The following OTOF variants were observed in gnomAD, a reference collection of about 807,000 sequenced individuals.
The protein encoded by OTOF is otoferlin.
A neutral mutation model predicts 236.8 loss-of-function variants in OTOF; 218 were observed. The observed-to-expected ratio is 0.92, with a 90% CI of 0.82 to 1.03. The LOEUF (loss-of-function observed/expected upper bound fraction) is 1.03. OTOF is among the 50% of genes least tolerant of loss of function. The probability of loss-of-function intolerance (pLI) is 0.00; values close to 1 mark genes in which losing one functional copy is unlikely to be tolerated. For missense variants in OTOF, 2,590 were observed against 2,694.4 expected (o/e 0.96, Z 0.86); for synonymous variants, 1,041 against 1,072.5 (o/e 0.97, Z 0.57).
At chr2:26,547,931 A>G (rs1157731927) in intron 1 of OTOF, among the ~76,000 whole-genome samples, 1 of 152,232 alleles carries the variant, frequency 6.6e-6, no homozygotes, top group African/African-American at 2.4e-5. Context: ...TATTGTCATC[A>G]TCATCATTGT....
intron 8 of OTOF, among the ~76,000 whole-genome samples, chr2:26,498,696 T>C (rs185401355): frequency 4.8e-4 from 73 of 152,292 alleles, no homozygotes; most frequent in African/African-American, 1.8e-3. Flanking sequence ...TGCTGAGTGG[T>C]AAATCTATAC....
At chr2:26,500,097 A>G (rs1040362270) in intron 8 of OTOF, among the ~76,000 whole-genome samples, 1 of 152,226 alleles carries the variant, frequency 6.6e-6, no homozygotes, top group Admixed American at 6.5e-5. Flanking sequence ...GCAGCTGTCT[A>G]GAAGGCTTGA....
chr2:26,530,844 C>T (rs953341156), intron 2 of OTOF, among the ~76,000 whole-genome samples: 3 of 152,202 alleles, frequency 2.0e-5, no homozygotes, highest in South Asian at 2.1e-4. Context: ...CCGATCAAGC[C>T]GGCACCTCTA....
chr2:26,477,398 G>A lies in OTOF; in HGVS notation c.2406+18C>T, dbSNP rs778111026. 7.0e-6 allele frequency: 11 copies of A among 1,572,662 alleles called. No individual in the cohort carries two copies. Among genetic ancestry groups the A allele is most frequent in the South Asian group, 2.3e-5 (2 of 85,890 alleles). On this transcript the variant is annotated intron_variant, in intron 20 of 46. Coordinates refer to ENST00000272371, the MANE Select transcript of OTOF (RefSeq NM_194248.3). This position sits in a 1 kb window ranked among gnomAD's most constrained non-coding sequence, Gnocchi z 4.7. ...CCAGGCCCTCCCTCCAGCCCCCGCC[G>A]TCCAGTTGCGTCCTCACCAGCTCCC...
intron 3 of OTOF, among the ~76,000 whole-genome samples, chr2:26,521,676 C>T (rs1297796342): frequency 6.6e-6 from 1 of 152,242 alleles, no homozygotes; most frequent in Non-Finnish European, 1.5e-5. Context: ...AAATCCCCTA[C>T]TCTTCCTACC....
chr2:26,505,330 A>G (rs946221622), intron 5 of OTOF, among the ~76,000 whole-genome samples: 2 of 152,164 alleles, frequency 1.3e-5, no homozygotes, highest in Non-Finnish European at 2.9e-5. Flanking sequence ...GAAGAAAGGG[A>G]AAGAAAGAGG....
chr2:26,494,655 GT>G (rs1181719433), intron 9 of OTOF, among the ~76,000 whole-genome samples: 7 of 99,656 alleles, frequency 7.0e-5, no homozygotes, highest in African/African-American at 3.3e-4. Flanking sequence ...GGGGAGTGGG[GT>G]GGGGGGGGGT....
chr2:26,463,562 C>T lies in OTOF; in HGVS notation c.5113G>A (p.Glu1705Lys). The change falls in exon 41 of 47, where the codon GAG (glutamate) becomes AAG (lysine). Residue 1705 changes from glutamate (E) to lysine (K), a missense_variant. By Grantham distance (56) the Glu-to-Lys change is moderately conservative (BLOSUM62 1). Around this residue, in one of 2 missense-constraint regions of OTOF, gnomAD observed 1,211 missense variants for 1,352.8 expected, o/e 0.90. Transcript: ENST00000272371. Reference protein sequence around the residue: ...DKPGIEQGRLELWVDMFPMDM... With the variant: ...DKPGIEQGRLKLWVDMFPMDM... ...ATGGGGAACATGTCCACCCACAGCT[C>T]CAGGCGGCCCTGAGGAAGAGGGTTG... The T allele has an allele frequency of 6.2e-7, 1 of 1,603,366 alleles. No individual in the cohort carries two copies. Among genetic ancestry groups the T allele is most frequent in the Non-Finnish European group, 8.5e-7 (1 of 1,175,160 alleles).
At position 26,461,886 on chromosome 2, in the gene OTOF, G is replaced by A. The variant is rs375826721; in HGVS notation, c.5343C>T (p.His1781=). The change falls in exon 43 of 47, where the codon CAC becomes CAT. Residue 1781 remains histidine, a synonymous_variant. Coordinates refer to ENST00000272371, the MANE Select transcript of OTOF (RefSeq NM_194248.3). This position sits in a 1 kb window ranked among gnomAD's most constrained non-coding sequence, Gnocchi z 6.2. ...EDKQDTDVHY[H]SLTGEGNFNW... The stretch of plus-strand genomic sequence containing the variant: ...TGAAGTTGCCCTCGCCAGTGAGGGA[G>A]TGGTAGTGGACGTCTGTGTCCTGCT... The A allele has an allele frequency of 1.7e-5, 28 of 1,614,052 alleles. No individual in the cohort carries two copies. The highest frequency in any genetic ancestry group is 4.2e-6 in the Non-Finnish European group (5 of 1,180,016).
rs754873126 is a variant in OTOF at position 26,473,313 on chromosome 2, G to T, written c.3571-19C>A. 43 of 1,613,098 alleles carry T rather than the reference G, an allele frequency of 2.7e-5. 1 individual carries two copies. The highest frequency in any genetic ancestry group is 3.3e-5 in the Non-Finnish European group (39 of 1,179,876). On this transcript the variant is annotated intron_variant, in intron 28 of 46. Transcript: ENST00000272371. The surrounding 1 kb of genome is among the most constrained non-coding windows in gnomAD (Gnocchi z 7.2). ...GGAGGTCCTGGGGTGTTGGCGACAG[G>T]AGCCTGAGCCTCCAAGAAGGGGCAG...
rs749555751 is a variant in OTOF, at chr2:26,558,495, C to T, written c.77G>A (p.Arg26Gln). 5.6e-6 allele frequency: 9 copies of T among 1,613,602 alleles called. No individual in the cohort carries two copies. The highest frequency in any genetic ancestry group is 2.2e-5 in the South Asian group (2 of 91,078). ...RGDRIAKVTF[R>Q]GQSFYSRVLE... ...CTCTGAGACAGCGGCTTCCCTACCT[C>T]GGAAAGTCACTTTGGCGATCCGGTC... Residue 26 changes from arginine (R) to glutamine (Q), a missense_variant and splice_region_variant, in exon 1 of 47, where the codon CGA becomes CAA. Around this residue, in one of 2 missense-constraint regions of OTOF, gnomAD observed 1,379 missense variants for 1,341.6 expected, o/e 1.03. Transcript: ENST00000272371.
At chr2:26,475,267 G>C in intron 25 of OTOF, 92 bp downstream of exon 25, 1 of 1,451,500 alleles carries the variant, frequency 6.9e-7, no homozygotes, top group Non-Finnish European at 9.7e-7. Flanking sequence ...GGGTGGCGGA[G>C]GTGAGGGCAC....
chr2:26,533,016 G>T (rs971386234), intron 2 of OTOF, among the ~76,000 whole-genome samples: 5 of 152,160 alleles, frequency 3.3e-5, no homozygotes, highest in Non-Finnish European at 4.4e-5. Context: ...ACCAGTCCAT[G>T]GCCTGTTAGG....
chr2:26,460,240 A>C lies in OTOF; in HGVS notation c.5814-35T>G. 1 of 1,552,084 alleles carries C rather than the reference A, an allele frequency of 6.4e-7. No individual in the cohort carries two copies. Among genetic ancestry groups the C allele is most frequent in the East Asian group, 2.3e-5 (1 of 43,264 alleles). On this transcript the variant is annotated intron_variant, in intron 45 of 46. Coordinates refer to ENST00000272371, the MANE Select transcript of OTOF (RefSeq NM_194248.3). This position sits in a 1 kb window ranked among gnomAD's most constrained non-coding sequence, Gnocchi z 5.3. ...GAAGGGTAGAGAGCGCAGAGGAGGG[A>C]CAGGGAGGAGAAGGGATTGGGTGTG...
chr2:26,516,618 T>C lies in OTOF; in HGVS notation c.328-19A>G, dbSNP rs746644652. 1 of 1,601,266 alleles carries C rather than the reference T, an allele frequency of 6.2e-7. No individual in the cohort carries two copies. Among genetic ancestry groups the C allele is most frequent in the Non-Finnish European group, 8.5e-7 (1 of 1,179,818 alleles). ...GGCTGGTCTGAAGGGAGGGAGGCGGTGGTGAGCAGCTGGGATGGTGACAGC... is the reference window on the plus strand; with the variant it reads ...GGCTGGTCTGAAGGGAGGGAGGCGGCGGTGAGCAGCTGGGATGGTGACAGC... On this transcript the variant is annotated intron_variant, in intron 4 of 46. Coordinates refer to ENST00000272371, the MANE Select transcript of OTOF (RefSeq NM_194248.3).
chr2:26,465,906 G>A, intron 37 of OTOF, 43 bp downstream of exon 37: 1 of 1,614,230 alleles, frequency 6.2e-7, no homozygotes, highest in South Asian at 1.1e-5. Flanking sequence ...TTCTGGGTTG[G>A]AGAAGTAGGG....
chr2:26,545,380 G>A (rs753000224), intron 1 of OTOF, among the ~76,000 whole-genome samples: 22 of 152,078 alleles, frequency 1.4e-4, no homozygotes, highest in Non-Finnish European at 2.9e-4. Context: ...TTGACTTATA[G>A]GGATTCTTTA....
At chr2:26,463,844 G>A in intron 40 of OTOF, 120 bp downstream of exon 40, 1 of 1,390,956 alleles carries the variant, frequency 7.2e-7, no homozygotes, top group Non-Finnish European at 1.0e-6. Context: ...GAAGGTGCCT[G>A]CCAGGCTTTC....
At chr2:26,502,501 A>C (rs1376586893) in intron 6 of OTOF, 75 bp from the exon 7 acceptor site, 1 of 1,481,462 alleles carries the variant, frequency 6.8e-7, no homozygotes, top group Non-Finnish European at 9.2e-7. Context: ...TTACTCTGGC[A>C]TCCAGAAAGC....
Sources: gnomAD v4.1 joint callset for allele counts (sites outside exome capture counted in the v4.1 genomes callset) on GRCh38, gnomAD v4.1.1 for gene constraint, gnomAD v4.1.1 regional missense constraint, Gnocchi (gnomAD v3.1) non-coding constraint, MANE v1.5 for transcripts, NCBI Gene and HGNC (gene_info 2026-07-23, HGNC 2026-07-21) for gene names.